MAP2K5: variants seen among roughly 807,000 people sequenced by gnomAD.
MAP2K5 encodes mitogen-activated protein kinase kinase 5, also known as dual specificity mitogen-activated protein kinase kinase 5.
Under a neutral mutation model 83.1 loss-of-function variants are expected in MAP2K5, and 49 were observed. That is an observed-to-expected ratio of 0.59 (90% confidence interval 0.47 to 0.75). The LOEUF (loss-of-function observed/expected upper bound fraction) is 0.75, where lower values mean the gene tolerates loss of function less well. Ranked by LOEUF, MAP2K5 falls within the 30% of genes least tolerant of loss-of-function variation. The pLI is 0.00. For missense variants in MAP2K5, 457 were observed against 557.5 expected, an observed-to-expected ratio of 0.82 and a Z score of 1.82; for synonymous variants, 202 against 191.8, an observed-to-expected ratio of 1.05 and a Z score of -0.44.
intron 9 of MAP2K5, among the ~76,000 whole-genome samples, chr15:67,631,562 G>A (rs1026941995): frequency 6.6e-6 from 1 of 152,014 alleles, no homozygotes; most frequent in Admixed American, 6.6e-5. Flanking sequence ...GACTCCCTCG[G>A]CATACTGAAA....
chr15:67,723,821 A>C (rs1306860920), intron 16 of MAP2K5, among the ~76,000 whole-genome samples: 9 of 151,890 alleles, frequency 5.9e-5, no homozygotes, highest in Admixed American at 5.2e-4. Context: ...AAAGAGAGCA[A>C]AGATTTCTAT....
In MAP2K5 at chr15:67,728,899, C is replaced by T. The variant is rs894249389; in HGVS notation, c.1074+954C>T. Among the ~76,000 whole-genome samples, 3 of 152,302 alleles carry T rather than the reference C, an allele frequency of 2.0e-5. No individual in the cohort carries two copies. The South Asian group carries it at 6.2e-4, about 32-fold the overall frequency. ...TTATAAGCAGTTTTAAGCAAATTCT[C>T]CTGGTACCAATGTGGACATTTAAAG... On this transcript the variant is annotated intron_variant, in intron 17 of 21. Transcript: ENST00000178640.
chr15:67,555,253 G>A lies in MAP2K5; in HGVS notation c.184+5171G>A, dbSNP rs1049838352. On this transcript the variant is annotated intron_variant, in intron 2 of 21. Coordinates refer to ENST00000178640, the MANE Select transcript of MAP2K5 (RefSeq NM_145160.3). The surrounding 1 kb of genome is among the most constrained non-coding windows in gnomAD (Gnocchi z 5.2). ...GCTTTTACTTATGGCAGAAAGTGAA[G>A]GGGCAGCAGGCGTGTCACATGGCGA... Among the ~76,000 whole-genome samples, 2 of 152,174 alleles carry A rather than the reference G, an allele frequency of 1.3e-5. No individual in the cohort carries two copies. Among genetic ancestry groups the A allele is most frequent in the African/African-American group, 4.8e-5 (2 of 41,434 alleles).
chr15:67,674,601 G>T lies in MAP2K5; in HGVS notation c.847+9956G>T, dbSNP rs540958226. On this transcript the variant is annotated intron_variant, in intron 13 of 21. Transcript: ENST00000178640. ...AAATTAAGCCTCTTTCCCCATATTG[G>T]TCATTCATTCTATTTACCTTGGGTG... is the stretch of plus-strand genomic sequence containing the variant. Among the ~76,000 whole-genome samples, 10 of 152,174 alleles carry T rather than the reference G, an allele frequency of 6.6e-5. No homozygotes were observed. In the East Asian group the frequency reaches 1.7e-3, roughly 26 times the overall value.
chr15:67,547,270 A>G (rs946329075), intron 1 of MAP2K5, among the ~76,000 whole-genome samples: 3 of 152,104 alleles, frequency 2.0e-5, no homozygotes, highest in African/African-American at 7.2e-5. Flanking sequence ...TAATCTTCCT[A>G]AAGTCAAGGA....
intron 9 of MAP2K5, among the ~76,000 whole-genome samples, chr15:67,645,971 T>TA (rs1263911823): frequency 3.3e-5 from 5 of 152,328 alleles, no homozygotes; most frequent in Non-Finnish European, 5.9e-5. Context: ...AACTGACTTT[T>TA]AAAGCCATTA....
intron 16 of MAP2K5, among the ~76,000 whole-genome samples, chr15:67,725,032 G>A (rs919667645): frequency 6.6e-6 from 1 of 152,196 alleles, no homozygotes; most frequent in African/African-American, 2.4e-5. Context: ...TAAAAGGTAG[G>A]ACTGAGGTTC....
intron 11 of MAP2K5, among the ~76,000 whole-genome samples, chr15:67,649,865 G>A (rs1313143221): frequency 6.6e-6 from 1 of 152,016 alleles, no homozygotes; most frequent in Non-Finnish European, 1.5e-5. Context: ...GAATCAGCTT[G>A]GCAATTTCTC....
At chr15:67,759,271 G>C (rs2141287261) in intron 19 of MAP2K5, among the ~76,000 whole-genome samples, 1 of 152,102 alleles carries the variant, frequency 6.6e-6, no homozygotes, top group Admixed American at 6.6e-5. Context: ...TTCAAAAGCG[G>C]GGTTAGGCCA....
intron 21 of MAP2K5, among the ~76,000 whole-genome samples, chr15:67,787,574 A>G (rs920763873): frequency 2.0e-5 from 3 of 152,144 alleles, no homozygotes; most frequent in African/African-American, 7.2e-5. Context: ...ACTCCTTTTA[A>G]TTTTCAAGCT....
intron 1 of MAP2K5, chr15:67,546,147 A>G (rs1000308116): frequency 3.9e-5 from 6 of 152,264 alleles, no homozygotes; most frequent in African/African-American, 1.4e-4. Flanking sequence ...TCAAGCCCAG[A>G]TCATGGCAGA....
At chr15:67,647,319 A>G (rs1278694507) in intron 11 of MAP2K5, among the ~76,000 whole-genome samples, 3 of 152,230 alleles carry the variant, frequency 2.0e-5, no homozygotes, top group African/African-American at 7.2e-5. Context: ...TAAAAATCTT[A>G]CAGCCATATA....
rs1166138497 is a variant in MAP2K5, at chr15:67,748,300, C to T, written c.1101+43C>T. On this transcript the variant is annotated intron_variant, in intron 18 of 21. Coordinates refer to ENST00000178640, the MANE Select transcript of MAP2K5 (RefSeq NM_145160.3). The surrounding 1 kb of genome is among the most constrained non-coding windows in gnomAD (Gnocchi z 4.0). ...AGAAAAAAATTCACTTTTCTTTTTC[C>T]TGATGGCTGCTTCCTTTGCATGCTT... 4 of 1,491,340 alleles carry T rather than the reference C, an allele frequency of 2.7e-6. No homozygotes were observed. In the Admixed American group the frequency reaches 6.8e-5, roughly 25 times the overall value. The allele number at this position is 1,491,340 out of a possible 1,614,324, so 92.4% of individuals were successfully genotyped here.
chr15:67,543,438 TC>T lies in MAP2K5; in HGVS notation c.105del (p.Pro37ArgfsTer11). ...NSGAVDWTVH[S>X]GPQLLFRDVL... ...TGGCGCGGTGGACTGGACAGTGCAC[TC>T]CGGGCCGCAGTTACTCTTCAGGGAT... is the stretch of plus-strand genomic sequence containing the variant. On this transcript the variant is annotated frameshift_variant, in exon 1 of 22. Transcript: ENST00000178640. LOFTEE classifies it high-confidence loss of function. This position sits in a 1 kb window ranked among gnomAD's most constrained non-coding sequence, Gnocchi z 4.3. The T allele has an allele frequency of 1.9e-6, 3 of 1,614,082 alleles. No homozygotes were observed. Among genetic ancestry groups the T allele is most frequent in the Non-Finnish European group, 2.5e-6 (3 of 1,180,004 alleles).
chr15:67,665,666 A>C lies in MAP2K5; in HGVS notation c.847+1021A>C, dbSNP rs1389500128. On this transcript the variant is annotated intron_variant, in intron 13 of 21. Coordinates refer to ENST00000178640, the MANE Select transcript of MAP2K5 (RefSeq NM_145160.3). The surrounding 1 kb of genome is among the most constrained non-coding windows in gnomAD (Gnocchi z 4.2). The stretch of plus-strand genomic sequence containing the variant: ...TAATGAGGGTATCTAGATTTTGACA[A>C]ATCAAATAGTCAGGTTTTTGAAGGT... 1.3e-5 allele frequency among the ~76,000 whole-genome samples: 2 copies of C among 152,152 alleles called. No individual in the cohort carries two copies. The highest frequency in any genetic ancestry group is 4.8e-5 in the African/African-American group (2 of 41,434).
Position 67,665,614 on chromosome 15 carries a change from C to G in MAP2K5, c.847+969C>G, listed in dbSNP as rs759484438. 1.3e-5 allele frequency among the ~76,000 whole-genome samples: 2 copies of G among 152,100 alleles called. No individual in the cohort carries two copies. The highest frequency in any genetic ancestry group is 2.9e-5 in the Non-Finnish European group (2 of 68,006). ...TGGTGGTTTTAATATCCTAGTGATT[C>G]CACATTTCTTCTGAAATCCTCCTTT... On this transcript the variant is annotated intron_variant, in intron 13 of 21. Coordinates refer to ENST00000178640, the MANE Select transcript of MAP2K5 (RefSeq NM_145160.3). The surrounding 1 kb of genome is among the most constrained non-coding windows in gnomAD (Gnocchi z 4.2).
chr15:67,758,740 AC>A lies in MAP2K5; in HGVS notation c.1134+10140del, dbSNP rs2089889830. 6.6e-6 allele frequency among the ~76,000 whole-genome samples: 1 copy of A among 152,186 alleles called. No homozygotes were observed. The highest frequency in any genetic ancestry group is 2.4e-5 in the African/African-American group (1 of 41,438). ...CTAAGCCTTAACCTTTGTGGTTTACACAGTGTTTCCTGTCACATTCTTTCCC... is the reference window on the plus strand; with the variant it reads ...CTAAGCCTTAACCTTTGTGGTTTACAAGTGTTTCCTGTCACATTCTTTCCC... On this transcript the variant is annotated intron_variant, in intron 19 of 21. Coordinates refer to ENST00000178640, the MANE Select transcript of MAP2K5 (RefSeq NM_145160.3). The surrounding 1 kb of genome is among the most constrained non-coding windows in gnomAD (Gnocchi z 4.7).
chr15:67,806,793 A>T lies in MAP2K5; in HGVS notation c.*43A>T. On this transcript the variant is annotated 3_prime_UTR_variant, in exon 22 of 22. Coordinates refer to ENST00000178640, the MANE Select transcript of MAP2K5 (RefSeq NM_145160.3). ...GAAAGCCCAGGACCAGTAACCAAGGAGAACAACCCACCCGTCGCCCTTCTC... is the reference window on the plus strand; with the variant it reads ...GAAAGCCCAGGACCAGTAACCAAGGTGAACAACCCACCCGTCGCCCTTCTC... 1 of 1,594,284 alleles carries T rather than the reference A, an allele frequency of 6.3e-7. No individual in the cohort carries two copies. The highest frequency in any genetic ancestry group is 8.5e-7 in the Non-Finnish European group (1 of 1,176,842).
intron 21 of MAP2K5, among the ~76,000 whole-genome samples, chr15:67,776,160 C>T (rs1254971529): frequency 6.6e-6 from 1 of 152,144 alleles, no homozygotes; most frequent in African/African-American, 2.4e-5. Flanking sequence ...GTGCAGGCAG[C>T]CAAGAACATT....
Sources: allele counts gnomAD v4.1 joint callset (sites outside exome capture counted in the v4.1 genomes callset), GRCh38; gene constraint gnomAD v4.1.1; non-coding constraint Gnocchi (gnomAD v3.1); transcripts MANE v1.5; gene names NCBI Gene and HGNC (gene_info 2026-07-23, HGNC 2026-07-21).